SFSWAP: variants seen among roughly 807,000 people sequenced by gnomAD.
SFSWAP encodes the protein splicing factor SWAP, also known as splicing factor, suppressor of white-apricot homolog.
In SFSWAP, 17 loss-of-function variants were observed where a neutral mutation model predicts 100.7. The observed-to-expected ratio is 0.17, with a 90% CI of 0.12 to 0.25. SFSWAP has a LOEUF of 0.25. SFSWAP is among the 10% of genes least tolerant of loss of function. The probability of loss-of-function intolerance (pLI) is 1.00; values close to 1 mark genes in which losing one functional copy is unlikely to be tolerated. For synonymous variants in SFSWAP, 504 were observed against 510.1 expected, an observed-to-expected ratio of 0.99 and a Z score of 0.16; for missense variants, 1,005 against 1,262.6, an observed-to-expected ratio of 0.80 and a Z score of 3.09.
chr12:131,762,832 C>G (rs1171117605), intron 11 of SFSWAP, among the ~76,000 whole-genome samples: 1 of 152,196 alleles, frequency 6.6e-6, no homozygotes, highest in East Asian at 1.9e-4. Flanking sequence ...AACTCCTGAT[C>G]TTGTGATCTA....
At chr12:131,719,569 G>A (rs1156246212) in intron 4 of SFSWAP, 30 bp downstream of exon 4, 41 of 1,510,656 alleles carry the variant, frequency 2.7e-5, no homozygotes, top group Non-Finnish European at 3.5e-5. Flanking sequence ...ACTAGTTGTC[G>A]TCATTATTAT....
intron 7 of SFSWAP, among the ~76,000 whole-genome samples, chr12:131,743,104 T>C (rs567693854): frequency 2.3e-4 from 35 of 152,348 alleles, no homozygotes; most frequent in African/African-American, 8.4e-4. Flanking sequence ...CATGTGGGAA[T>C]AGTGGTAGTT....
intron 5 of SFSWAP, among the ~76,000 whole-genome samples, chr12:131,726,200 GA>G (rs1878954320): frequency 1.5e-5 from 2 of 130,624 alleles, no homozygotes; most frequent in Non-Finnish European, 3.6e-5. Context: ...ATCTTCCATT[GA>G]ATTTTTTTTT....
chr12:131,751,183 G>T (rs1881589648), intron 7 of SFSWAP, among the ~76,000 whole-genome samples: 1 of 152,236 alleles, frequency 6.6e-6, no homozygotes, highest in African/African-American at 2.4e-5. Flanking sequence ...TCTCTGTTGT[G>T]TTCCAGTGTG....
chr12:131,758,698 G>A (rs936475693), intron 11 of SFSWAP, among the ~76,000 whole-genome samples: 2 of 152,240 alleles, frequency 1.3e-5, no homozygotes, highest in African/African-American at 4.8e-5. Context: ...CATAATGCCA[G>A]CACATAGGGA....
At chr12:131,781,656 C>A (rs974296143) in intron 14 of SFSWAP, among the ~76,000 whole-genome samples, 2 of 152,078 alleles carry the variant, frequency 1.3e-5, no homozygotes, top group African/African-American at 2.4e-5. Flanking sequence ...TGGTTTCCAC[C>A]GTGATGGTAG....
Position 131,772,514 on chromosome 12 carries a change from G to A in SFSWAP, c.2143-5551G>A, listed in dbSNP as rs530995722. Among the ~76,000 whole-genome samples, 14 of 152,294 alleles carry A rather than the reference G, an allele frequency of 9.2e-5. No individual in the cohort carries two copies. In the South Asian group the frequency reaches 2.1e-3, roughly 23 times the overall value. ...TCAGGACTGGCACAGGGGGTGGCTC[G>A]TTTTCTCGGCTGCCACTCAATCCCT... On this transcript the variant is annotated intron_variant, in intron 13 of 17. Transcript: ENST00000261674.
chr12:131,712,240 G>C (rs1443769593), intron 1 of SFSWAP: 1 of 152,160 alleles, frequency 6.6e-6, no homozygotes, highest in African/African-American at 2.4e-5. Flanking sequence ...GTCACTCGAG[G>C]GTGTCTAGCG....
rs986659845 is a variant in SFSWAP, at chr12:131,762,642, A to C, written c.1721-1814A>C. On this transcript the variant is annotated intron_variant, in intron 11 of 17. Transcript: ENST00000261674. ...AATCTCACTCTGTCACCCAGGCTGG[A>C]GTAGTGCAGTGGCGTGATCTCAGCC... 3.9e-5 allele frequency among the ~76,000 whole-genome samples: 6 copies of C among 152,044 alleles called. No individual in the cohort carries two copies. In the South Asian group the frequency reaches 6.2e-4, roughly 16 times the overall value.
At chr12:131,743,426 A>G (rs1354466485) in intron 7 of SFSWAP, among the ~76,000 whole-genome samples, 2 of 152,252 alleles carry the variant, frequency 1.3e-5, no homozygotes, top group Non-Finnish European at 2.9e-5. Context: ...GAGGGGCTGC[A>G]CAGGCCCTGT....
chr12:131,797,326 G>A lies in SFSWAP; in HGVS notation c.2683G>A (p.Val895Met). Residue 895 changes from valine (V) to methionine (M), a missense_variant, in exon 16 of 18, where the codon GTG becomes ATG. Around this residue, in one of 7 missense-constraint regions of SFSWAP, gnomAD observed 295 missense variants for 347.9 expected, o/e 0.85. Transcript: ENST00000261674. Reference sequence around the variant, plus strand: ...GGCGCACTCAGCCAGCGTCTCCCCTGTGGAGAGTCGGGGCTCCAGCCAGGA... The same window carrying A: ...GGCGCACTCAGCCAGCGTCTCCCCTATGGAGAGTCGGGGCTCCAGCCAGGA... The part of the protein sequence containing the change: ...HSAHSASVSP[V>M]ESRGSSQERS... 1 of 1,610,642 alleles carries A rather than the reference G, an allele frequency of 6.2e-7. No individual in the cohort carries two copies. The highest frequency in any genetic ancestry group is 8.5e-7 in the Non-Finnish European group (1 of 1,178,580).
rs1483978714 is a variant in SFSWAP, at chr12:131,733,603, G to C, written c.1081+5175G>C. Among the ~76,000 whole-genome samples, 1 of 151,936 alleles carries C rather than the reference G, an allele frequency of 6.6e-6. No homozygotes were observed. Among genetic ancestry groups the C allele is most frequent in the Non-Finnish European group, 1.5e-5 (1 of 67,960 alleles). ...GGGATTTCTTCACTGTGTTTCTTGG[G>C]GGCTCACCGACTGCAGCCGTATTCC... On this transcript the variant is annotated intron_variant, in intron 7 of 17. Coordinates refer to ENST00000261674, the MANE Select transcript of SFSWAP (RefSeq NM_004592.4). This position sits in a 1 kb window ranked among gnomAD's most constrained non-coding sequence, Gnocchi z 5.1.
In SFSWAP at chr12:131,738,885, CTTTTT is replaced by C. The variant is rs71072785; in HGVS notation, c.1081+10477_1081+10481del. Among the ~76,000 whole-genome samples, 12 of 48,718 alleles carry C rather than the reference CTTTTT, an allele frequency of 2.5e-4. 1 individual carries two copies. Among genetic ancestry groups the C allele is most frequent in the East Asian group, 8.5e-4 (1 of 1,180 alleles). The allele number at this position is 48,718 out of a possible 152,430, so 32.0% of individuals were successfully genotyped here. ...TTCCAGTGCTGTAATGAACATTATTCTTTTTTTTTTTTTTTTTTTTTTTTGAGACA... is the reference window on the plus strand; with the variant it reads ...TTCCAGTGCTGTAATGAACATTATTCTTTTTTTTTTTTTTTTTTTGAGACA... On this transcript the variant is annotated intron_variant, in intron 7 of 17. Coordinates refer to ENST00000261674, the MANE Select transcript of SFSWAP (RefSeq NM_004592.4).
intron 13 of SFSWAP, among the ~76,000 whole-genome samples, chr12:131,770,343 C>T (rs1333164810): frequency 6.6e-6 from 1 of 152,202 alleles, no homozygotes; most frequent in Non-Finnish European, 1.5e-5. Context: ...CCAGGAGGCT[C>T]ATGGCACCCC....
chr12:131,764,796 G>A (rs192986938), intron 12 of SFSWAP, 110 bp downstream of exon 12: 12 of 739,874 alleles, frequency 1.6e-5, no homozygotes, highest in Non-Finnish European at 2.2e-5. Flanking sequence ...GAAGCCTTTG[G>A]AAATCGACCT....
intron 12 of SFSWAP, among the ~76,000 whole-genome samples, chr12:131,765,406 T>C (rs1883030602): frequency 6.6e-6 from 1 of 152,194 alleles, no homozygotes; most frequent in South Asian, 2.1e-4. Flanking sequence ...CCCAGCACTT[T>C]GGGAGGCTAA....
chr12:131,783,936 T>G (rs1037708972), intron 14 of SFSWAP: 16 of 151,196 alleles, frequency 1.1e-4, no homozygotes, highest in African/African-American at 3.9e-4. Flanking sequence ...CAGGCCACAC[T>G]GGGTTTCTAT....
chr12:131,765,359 A>G (rs1165834803), intron 12 of SFSWAP, among the ~76,000 whole-genome samples: 1 of 152,226 alleles, frequency 6.6e-6, no homozygotes, highest in Non-Finnish European at 1.5e-5. Flanking sequence ...GAAAGAGGCC[A>G]ATTTTCAGGC....
At chr12:131,777,926 G>A (rs1823879751) in intron 13 of SFSWAP, 139 bp from the exon 14 acceptor site, 14 of 1,389,848 alleles carry the variant, frequency 1.0e-5, no homozygotes, top group Non-Finnish European at 1.2e-5. Flanking sequence ...GGTCACTCTG[G>A]ATAGCCACAG....
Sources: allele counts gnomAD v4.1 joint callset (sites outside exome capture counted in the v4.1 genomes callset), GRCh38; gene constraint gnomAD v4.1.1; regional missense constraint gnomAD v4.1.1; non-coding constraint Gnocchi (gnomAD v3.1); transcripts MANE v1.5; gene names NCBI Gene and HGNC (gene_info 2026-07-23, HGNC 2026-07-21).